The following ARHGAP26 variants were observed in gnomAD, a reference collection of about 807,000 sequenced individuals.
ARHGAP26 encodes the protein rho GTPase-activating protein 26.
Under a neutral mutation model 104.8 loss-of-function variants are expected in ARHGAP26, and 38 were observed. The ratio of observed to expected loss-of-function variants is 0.36; its 90% confidence interval spans 0.28 to 0.48. The LOEUF is 0.48. ARHGAP26 is among the 20% of genes least tolerant of loss of function. ARHGAP26 has a pLI of 0.99. For missense variants in ARHGAP26, 704 were observed against 947.9 expected (o/e 0.74, Z 3.38); for synonymous variants, 341 against 340.0 (o/e 1.00, Z -0.03).
intron 21 of ARHGAP26, among the ~76,000 whole-genome samples, chr5:143,208,447 A>G (rs544648822): frequency 6.6e-6 from 1 of 152,374 alleles, no homozygotes; most frequent in South Asian, 2.1e-4. Context: ...AGAAGAAAAG[A>G]AAACCCCATG....
chr5:143,013,988 C>A, intron 11 of ARHGAP26, 92 bp from the exon 12 acceptor site: 2 of 1,297,704 alleles, frequency 1.5e-6, no homozygotes, highest in Non-Finnish European at 2.2e-6. Context: ...ATGGTGCAAA[C>A]TAGGGAAAGT....
chr5:142,967,250 G>A (rs911759300), intron 11 of ARHGAP26, among the ~76,000 whole-genome samples: 2 of 152,198 alleles, frequency 1.3e-5, no homozygotes, highest in East Asian at 3.9e-4. Context: ...GTAAGACAGA[G>A]TGAACTCTGG....
At chr5:143,022,307 A>T (rs964525170) in intron 12 of ARHGAP26, among the ~76,000 whole-genome samples, 1 of 152,162 alleles carries the variant, frequency 6.6e-6, no homozygotes, top group Admixed American at 6.5e-5. Context: ...TCCTGACCTC[A>T]GGTGATCCGC....
At chr5:143,199,025 T>G (rs1807294436) in intron 20 of ARHGAP26, among the ~76,000 whole-genome samples, 1 of 152,222 alleles carries the variant, frequency 6.6e-6, no homozygotes, top group Non-Finnish European at 1.5e-5. Context: ...TGAAGAAGTA[T>G]TTTAAAATGC....
At chr5:143,042,618 G>T (rs1462996802) in intron 14 of ARHGAP26, among the ~76,000 whole-genome samples, 1 of 152,230 alleles carries the variant, frequency 6.6e-6, no homozygotes, top group Non-Finnish European at 1.5e-5. Context: ...TTTCACAGAG[G>T]CTGTTATTCC....
chr5:143,202,903 T>TA (rs1247089157), intron 20 of ARHGAP26: 1 of 152,178 alleles, frequency 6.6e-6, no homozygotes. Flanking sequence ...ACCCCTTCCT[T>TA]ACATTTTATA....
intron 5 of ARHGAP26, among the ~76,000 whole-genome samples, chr5:142,892,383 C>T (rs776775722): frequency 6.6e-5 from 10 of 151,826 alleles, no homozygotes; most frequent in Non-Finnish European, 1.3e-4. Context: ...CCAGCTCTGC[C>T]GTATACTAGC....
At chr5:143,032,532 G>A (rs1157174849) in intron 12 of ARHGAP26, among the ~76,000 whole-genome samples, 2 of 152,204 alleles carry the variant, frequency 1.3e-5, no homozygotes, top group Non-Finnish European at 2.9e-5. Flanking sequence ...AAGGACAGCC[G>A]CCTCCATCTG....
intron 1 of ARHGAP26, among the ~76,000 whole-genome samples, chr5:142,790,840 C>G (rs574441267): frequency 6.6e-6 from 1 of 152,328 alleles, no homozygotes; most frequent in South Asian, 2.1e-4. Context: ...CTCTGACCAC[C>G]TGACCTAAAG....
At chr5:142,979,717 A>G (rs536615359) in intron 11 of ARHGAP26, among the ~76,000 whole-genome samples, 3 of 152,348 alleles carry the variant, frequency 2.0e-5, no homozygotes, top group African/African-American at 7.2e-5. Flanking sequence ...CAAAGAGAGT[A>G]TTTGTGTGAG....
At chr5:143,105,284 G>A (rs1316986083) in intron 17 of ARHGAP26, among the ~76,000 whole-genome samples, 2 of 152,060 alleles carry the variant, frequency 1.3e-5, no homozygotes, top group Non-Finnish European at 2.9e-5. Flanking sequence ...GGCTGAGGCA[G>A]GAGAATCGCT....
At chr5:143,128,656 C>T (rs376508214) in intron 18 of ARHGAP26, among the ~76,000 whole-genome samples, 2 of 152,166 alleles carry the variant, frequency 1.3e-5, no homozygotes, top group African/African-American at 4.8e-5. Flanking sequence ...ACGCAGTCCT[C>T]GGTCCCATTG....
chr5:143,046,162 G>A (rs770166266), intron 14 of ARHGAP26, among the ~76,000 whole-genome samples: 4 of 151,750 alleles, frequency 2.6e-5, no homozygotes, highest in African/African-American at 4.8e-5. Context: ...AAAATTAGCC[G>A]GGTGTGGTGG....
chr5:143,167,231 C>T (rs1256100083), intron 20 of ARHGAP26, among the ~76,000 whole-genome samples: 1 of 149,722 alleles, frequency 6.7e-6, no homozygotes, highest in Non-Finnish European at 1.5e-5. Flanking sequence ...TGTTCGGAGG[C>T]CAAGGTGGGT....
At chr5:143,000,098 T>C (rs898744469) in intron 11 of ARHGAP26, among the ~76,000 whole-genome samples, 7 of 152,176 alleles carry the variant, frequency 4.6e-5, no homozygotes, top group Non-Finnish European at 7.3e-5. Flanking sequence ...AAGTAGAAGA[T>C]TGACAACACA....
intron 11 of ARHGAP26, among the ~76,000 whole-genome samples, chr5:142,949,212 AGAGAGAGAGGAGAGAGAGAGGAGAGAGAG>A (rs1350840211): frequency 4.3e-4 from 28 of 64,482 alleles, no homozygotes; most frequent in Admixed American, 2.1e-3. Context: ...AGAGAGAGAG[AGAGAGAGAGGAGAGAGAGAGGAGAGAGAG>A]AGAGAGAGAG....
chr5:143,028,985 AC>A (rs1162056412), intron 12 of ARHGAP26, among the ~76,000 whole-genome samples: 1 of 152,128 alleles, frequency 6.6e-6, no homozygotes, highest in Non-Finnish European at 1.5e-5. Context: ...CCAGTTGGCC[AC>A]CTTTCCTGGG....
At chr5:142,917,040 T>C (rs1458057072) in intron 10 of ARHGAP26, among the ~76,000 whole-genome samples, 1 of 130,308 alleles carries the variant, frequency 7.7e-6, no homozygotes, top group Non-Finnish European at 1.6e-5. Context: ...CTTTGGAATT[T>C]TTTTTTTTTT....
chr5:142,927,640 G>A (rs949206435), intron 10 of ARHGAP26, among the ~76,000 whole-genome samples: 33 of 152,174 alleles, frequency 2.2e-4, no homozygotes, highest in African/African-American at 7.2e-4. Flanking sequence ...AGGTATTCCT[G>A]AATGCGTCTT....
Sources: gnomAD v4.1 joint callset for allele counts (sites outside exome capture counted in the v4.1 genomes callset) on GRCh38, gnomAD v4.1.1 for gene constraint, MANE v1.5 for transcripts, NCBI Gene and HGNC (gene_info 2026-07-23, HGNC 2026-07-21) for gene names.